The following TDP1 variants were observed in gnomAD, a reference collection of about 807,000 sequenced individuals.
TDP1 encodes the protein tyr-DNA phosphodiesterase 1.
TDP1 carries 64 observed loss-of-function variants against 81.5 expected under a neutral mutation model. The ratio of observed to expected loss-of-function variants is 0.79; its 90% confidence interval spans 0.64 to 0.97. The LOEUF (loss-of-function observed/expected upper bound fraction) is 0.97. Ranked by LOEUF, TDP1 falls within the 50% of genes least tolerant of loss-of-function variation. TDP1 has a pLI of 0.00. For missense variants in TDP1, 723 were observed against 743.8 expected (o/e 0.97, Z 0.33); for synonymous variants, 256 against 264.3 (o/e 0.97, Z 0.30).
rs1009476485 is a variant in TDP1 at position 90,022,459 on chromosome 14, G to A, written c.1644+3041G>A. Among the ~76,000 whole-genome samples the A allele has an allele frequency of 5.3e-5, 8 of 152,196 alleles. No individual in the cohort carries two copies. In the South Asian group the frequency reaches 6.2e-4, roughly 12 times the overall value. On this transcript the variant is annotated intron_variant, in intron 15 of 16. Coordinates refer to ENST00000335725, the MANE Select transcript of TDP1 (RefSeq NM_018319.4). ...CTGCAGCCCAGGTGCTGGCCAGTCCGCATCCCAGTGACACCTCAGGCCTAG... is the reference window on the plus strand; with the variant it reads ...CTGCAGCCCAGGTGCTGGCCAGTCCACATCCCAGTGACACCTCAGGCCTAG...
At chr14:90,018,964 G>A (rs1885642429) in intron 14 of TDP1, 1 of 982,536 alleles carries the variant, frequency 1.0e-6, no homozygotes, top group African/African-American at 1.8e-5. Flanking sequence ...TTAAATGCTA[G>A]TTTTATGTAC....
intron 2 of TDP1, among the ~76,000 whole-genome samples, chr14:89,958,696 G>T (rs1891964553): frequency 6.6e-6 from 1 of 152,196 alleles, no homozygotes; most frequent in Admixed American, 6.5e-5. Context: ...GGGAAGAGGG[G>T]TTATCAATCC....
At chr14:89,957,987 C>T (rs530930509) in intron 2 of TDP1, among the ~76,000 whole-genome samples, 29 of 152,262 alleles carry the variant, frequency 1.9e-4, no homozygotes, top group East Asian at 5.8e-4. Context: ...GCTCAGCCCG[C>T]GAGGAGTCGG....
intron 16 of TDP1, 166 bp downstream of exon 16, chr14:90,033,380 G>A (rs1321468690): frequency 1.4e-6 from 1 of 691,846 alleles, no homozygotes; most frequent in Admixed American, 2.0e-5. Context: ...GTAGCCACTG[G>A]TTAGTCTTGG....
Position 90,019,296 on chromosome 14 carries a change from C to G in TDP1, c.1542-20C>G. ...AGATGCCTCCCTGAGTCAGCCCTAT[C>G]TGTGTCCTTGTCTCTGCAGCGCAAA... On this transcript the variant is annotated intron_variant, in intron 14 of 16. Transcript: ENST00000335725. 6.5e-7 allele frequency: 1 copy of G among 1,535,730 alleles called. No individual in the cohort carries two copies. Among genetic ancestry groups the G allele is most frequent in the Non-Finnish European group, 9.0e-7 (1 of 1,109,440 alleles).
At position 90,023,220 on chromosome 14, in the gene TDP1, A is replaced by G. The variant is rs1886292137; in HGVS notation, c.1644+3802A>G. On this transcript the variant is annotated intron_variant, in intron 15 of 16. Transcript: ENST00000335725. Reference sequence around the variant, plus strand: ...GGGGGGCTTGGGAAAGGCTTTGTTAAGGAGGTGGCATTCGATCTCACTCTT... The same window carrying G: ...GGGGGGCTTGGGAAAGGCTTTGTTAGGGAGGTGGCATTCGATCTCACTCTT... The G allele has an allele frequency of 4.6e-6, 3 of 655,346 alleles. No individual in the cohort carries two copies. In the South Asian group the frequency reaches 5.0e-5, roughly 11 times the overall value. 40.6% of individuals were successfully genotyped at this position (655,346 alleles called of 1,614,324 possible).
At chr14:90,005,689 A>G (rs1057020242) in intron 14 of TDP1, among the ~76,000 whole-genome samples, 18 of 152,222 alleles carry the variant, frequency 1.2e-4, no homozygotes, top group African/African-American at 3.9e-4. Flanking sequence ...CATATCTTAC[A>G]AGTCTGTTGC....
At chr14:89,998,396 ATATATATATATATATATATATATATATG>A (rs1426141452) in intron 14 of TDP1, among the ~76,000 whole-genome samples, 27 of 112,726 alleles carry the variant, frequency 2.4e-4, no homozygotes, top group South Asian at 1.6e-3. Flanking sequence ...ATATATATAT[ATATATATATATATATATATATATATATG>A]TATGTATGTA....
chr14:90,030,707 T>C (rs372039461), intron 15 of TDP1, among the ~76,000 whole-genome samples: 5 of 152,210 alleles, frequency 3.3e-5, no homozygotes, highest in African/African-American at 9.6e-5. Flanking sequence ...GTACCAGGAC[T>C]TGTGCTGGGT....
chr14:89,955,626 C>G (rs1891473786), upstream of TDP1: 1 of 152,320 alleles, frequency 6.6e-6, no homozygotes, highest in South Asian at 2.1e-4. Flanking sequence ...TTAAACCAAA[C>G]GCCGCTGCAT....
At chr14:90,015,945 C>T (rs1266653772) in intron 14 of TDP1, among the ~76,000 whole-genome samples, 3 of 152,178 alleles carry the variant, frequency 2.0e-5, no homozygotes, top group Non-Finnish European at 4.4e-5. Flanking sequence ...CCCTCAACCA[C>T]AATTTCCAGA....
intron 3 of TDP1, among the ~76,000 whole-genome samples, chr14:89,964,100 G>A (rs1892657581): frequency 6.6e-6 from 1 of 152,124 alleles, no homozygotes; most frequent in Admixed American, 6.5e-5. Context: ...GGACTCTGAG[G>A]GTGAGATCCT....
chr14:89,962,979 A>C, intron 2 of TDP1, 129 bp from the exon 3 acceptor site: 1 of 1,535,324 alleles, frequency 6.5e-7, no homozygotes, highest in Non-Finnish European at 8.7e-7. Flanking sequence ...CCCAAAAAGC[A>C]GCTGATGTTA....
rs768026889 is a variant in TDP1, at chr14:89,966,125, GAT to G, written c.560-17_560-16del. 1.9e-6 allele frequency: 3 copies of G among 1,543,774 alleles called. No homozygotes were observed. The highest frequency in any genetic ancestry group is 1.1e-5 in the South Asian group (1 of 89,544). On this transcript the variant is annotated intron_variant, in intron 3 of 16. Coordinates refer to ENST00000335725, the MANE Select transcript of TDP1 (RefSeq NM_018319.4). Reference sequence around the variant, plus strand: ...AGAGGATTTTTGTGAGTGTGAATTTGATATATGTTTTGTCTTCTCAGATATTT... The same window carrying G: ...AGAGGATTTTTGTGAGTGTGAATTTGATATGTTTTGTCTTCTCAGATATTT...
chr14:90,005,582 G>A (rs1411950621), intron 14 of TDP1, among the ~76,000 whole-genome samples: 2 of 152,132 alleles, frequency 1.3e-5, no homozygotes, highest in African/African-American at 4.8e-5. Flanking sequence ...TTATAGCCCA[G>A]TGTAATGAGC....
intron 3 of TDP1, chr14:89,965,689 C>G: frequency 8.1e-6 from 6 of 744,554 alleles, no homozygotes; most frequent in Non-Finnish European, 9.8e-6. Context: ...CTTTCATTCA[C>G]AGGCCACAGG....
At chr14:90,011,530 A>G (rs1225409109) in intron 14 of TDP1, among the ~76,000 whole-genome samples, 2 of 152,220 alleles carry the variant, frequency 1.3e-5, no homozygotes, top group African/African-American at 4.8e-5. Context: ...TGATATGGAC[A>G]ATGAAGTCTA....
chr14:89,964,241 A>C (rs1471790772), intron 3 of TDP1, among the ~76,000 whole-genome samples: 2 of 152,218 alleles, frequency 1.3e-5, no homozygotes, highest in Non-Finnish European at 2.9e-5. Flanking sequence ...CCTGAGTGCA[A>C]ATAGATGTTT....
At chr14:89,983,880 G>A (rs1049250860) in intron 8 of TDP1, among the ~76,000 whole-genome samples, 11 of 152,198 alleles carry the variant, frequency 7.2e-5, no homozygotes, top group African/African-American at 2.7e-4. Flanking sequence ...AGTGAATTAA[G>A]TGTTGAAAGT....
Sources: allele counts gnomAD v4.1 joint callset (sites outside exome capture counted in the v4.1 genomes callset), GRCh38; gene constraint gnomAD v4.1.1; transcripts MANE v1.5; gene names NCBI Gene and HGNC (gene_info 2026-07-23, HGNC 2026-07-21).